UPF3B: variants seen among roughly 807,000 people sequenced by gnomAD.
UPF3B encodes the protein regulator of nonsense transcripts 3B.
A neutral mutation model predicts 40.3 loss-of-function variants in UPF3B; 7 were observed. The ratio of observed to expected loss-of-function variants is 0.17; its 90% CI spans 0.10 to 0.33. UPF3B has a LOEUF of 0.33. Among genes scored for constraint, UPF3B ranks in the 10% least tolerant of loss-of-function variants. The probability of loss-of-function intolerance (pLI) is 1.00; values close to 1 mark genes in which losing one functional copy is unlikely to be tolerated. For missense variants in UPF3B, 229 were observed against 358.9 expected, an observed-to-expected ratio of 0.64 and a Z score of 2.93; for synonymous variants, 117 against 117.3, an observed-to-expected ratio of 1.00 and a Z score of 0.01.
intron 3 of UPF3B, among the ~76,000 whole-genome samples, chrX:119,826,167 A>G (rs1335206964): frequency 1.8e-5 from 2 of 109,265 alleles, no homozygotes; most frequent in African/African-American, 6.7e-5. Context: ...TCTCAAAAAA[A>G]GAAAAGGACC....
Position 119,837,391 on chromosome X carries a change from G to A in UPF3B, c.1302+366C>T, listed in dbSNP as rs892874049. Among the ~76,000 whole-genome samples, 3 of 108,676 alleles carry A rather than the reference G, an allele frequency of 2.8e-5. No individual in the cohort carries two copies. The Admixed American group carries it at 2.9e-4, about 11-fold the overall frequency. 94.4% of individuals were successfully genotyped at this position (108,676 alleles called of 115,157 possible). A position where few individuals can be genotyped will look rare whatever the true frequency, so the allele number is the denominator to read the frequency against. ...AGCACTTTGGGAGGCTGAGGCAGGT[G>A]GATCACGAGGTCAGGAGATCAAGAC... On this transcript the variant is annotated intron_variant, in intron 10 of 10. Coordinates refer to ENST00000276201, the MANE Select transcript of UPF3B (RefSeq NM_080632.3).
intron 3 of UPF3B, among the ~76,000 whole-genome samples, chrX:119,847,552 G>A (rs887651403): frequency 7.2e-5 from 8 of 110,699 alleles, no homozygotes; most frequent in Admixed American, 3.9e-4. Flanking sequence ...CATCACTTGA[G>A]GTCAGGAGTT....
At chrX:119,839,116 T>C (rs2056134144) in intron 8 of UPF3B, among the ~76,000 whole-genome samples, 1 of 111,761 alleles carries the variant, frequency 8.9e-6, no homozygotes, top group African/African-American at 3.3e-5. Flanking sequence ...AGTGAACCAA[T>C]GCATACTTCA....
At chrX:119,806,419 C>T (rs1241304497) in intron 6 of UPF3B, among the ~76,000 whole-genome samples, 2 of 101,990 alleles carry the variant, frequency 2.0e-5, no homozygotes, top group Non-Finnish European at 4.0e-5. Context: ...ACCAGCATGG[C>T]ACATGTATAC....
At chrX:119,808,042 G>A (rs958471781) in intron 5 of UPF3B, among the ~76,000 whole-genome samples, 14 of 111,801 alleles carry the variant, frequency 1.3e-4, no homozygotes, top group Non-Finnish European at 2.6e-4. Flanking sequence ...TGATCCTCCC[G>A]CCTTGGCCTC....
chrX:119,842,529 G>A (rs771294315), intron 5 of UPF3B, among the ~76,000 whole-genome samples: 1 of 108,342 alleles, frequency 9.2e-6, no homozygotes, highest in Non-Finnish European at 1.9e-5. Context: ...GCAGTGAGCC[G>A]AGATTGCGAC....
intron 6 of UPF3B, 84 bp downstream of exon 6, chrX:119,841,651 G>C: frequency 1.0e-6 from 1 of 954,746 alleles, no homozygotes; most frequent in Non-Finnish European, 1.5e-6. Flanking sequence ...TTCTCCTCTA[G>C]AAACCCAATG....
chrX:119,830,510 G>A (rs192261091), downstream of UPF3B, among the ~76,000 whole-genome samples: 6 of 111,187 alleles, frequency 5.4e-5, no homozygotes, highest in East Asian at 1.4e-3. Context: ...AGCGATGTCA[G>A]ATGCTATGCT....
intron 3 of UPF3B, among the ~76,000 whole-genome samples, chrX:119,828,033 CT>C (rs373746448): frequency 0.042 from 4,262 of 101,719 alleles, 237 homozygotes; most frequent in African/African-American, 0.14. Context: ...CGTGCCCGAC[CT>C]TTTTTTTTTT....
intron 6 of UPF3B, among the ~76,000 whole-genome samples, chrX:119,806,381 C>T (rs767750986): frequency 7.6e-4 from 70 of 92,636 alleles, no homozygotes; most frequent in African/African-American, 2.6e-3. Flanking sequence ...ATACCTAATG[C>T]TAGATGACGA....
At chrX:119,833,979 C>G, downstream of UPF3B, 6 of 742,803 alleles carry the variant, frequency 8.1e-6, no homozygotes, top group Non-Finnish European at 9.5e-6. Flanking sequence ...TTTAATTTCT[C>G]AAAACTCATA....
At chrX:119,807,271 C>T (rs2055800586) in intron 6 of UPF3B, among the ~76,000 whole-genome samples, 1 of 111,588 alleles carries the variant, frequency 9.0e-6, no homozygotes, top group African/African-American at 3.3e-5. Flanking sequence ...AACCTCTGAT[C>T]AGATTCCTGC....
At chrX:119,815,417 G>T in intron 4 of UPF3B, 12 of 252,480 alleles carry the variant, frequency 4.8e-5, no homozygotes, top group Non-Finnish European at 6.6e-5. Context: ...AGTCATTTAA[G>T]ACCAAAAATG....
chrX:119,831,226 G>A (rs1353464855), downstream of UPF3B, among the ~76,000 whole-genome samples: 1 of 111,645 alleles, frequency 9.0e-6, no homozygotes, highest in African/African-American at 3.3e-5. Flanking sequence ...TTGCCCTGAA[G>A]GCACTTTTGG....
rs185649968 is a variant in UPF3B at position 119,847,093 on chromosome X, A to G, written c.371-1797T>C. Among the ~76,000 whole-genome samples the G allele has an allele frequency of 3.6e-5, 4 of 112,669 alleles. No homozygotes were observed. In the Admixed American group the frequency reaches 3.8e-4, roughly 11 times the overall value. On this transcript the variant is annotated intron_variant, in intron 3 of 10. Transcript: ENST00000276201. ...CACAATGAGGTATCATCTCACGCCT[A>G]TTAGGAGGACTACTATCAAAAAGCA...
chrX:119,833,008 T>G (rs2056052299), downstream of UPF3B, among the ~76,000 whole-genome samples: 1 of 111,478 alleles, frequency 9.0e-6, no homozygotes, highest in Admixed American at 9.6e-5. Context: ...CCTTTTTCAC[T>G]TCCCTGGAAC....
chrX:119,823,124 T>C, intron 3 of UPF3B: 1 of 450,723 alleles, frequency 2.2e-6, no homozygotes, highest in Non-Finnish European at 2.8e-6. Context: ...ACCTTATATA[T>C]TAATATATAC....
intron 3 of UPF3B, among the ~76,000 whole-genome samples, chrX:119,849,348 T>C (rs949807498): frequency 6.4e-5 from 7 of 109,548 alleles, no homozygotes; most frequent in African/African-American, 2.3e-4. Context: ...AAAAATTAGC[T>C]GGGCGTGGCG....
chrX:119,824,241 T>C (rs1470332066), intron 3 of UPF3B, among the ~76,000 whole-genome samples: 1 of 96,321 alleles, frequency 1.0e-5, no homozygotes, highest in Non-Finnish European at 2.1e-5. Context: ...CCTTCTGACA[T>C]TGTGCATCAT....
Sources: gnomAD v4.1 joint callset for allele counts (sites outside exome capture counted in the v4.1 genomes callset) on GRCh38, gnomAD v4.1.1 for gene constraint, MANE v1.5 for transcripts, NCBI Gene and HGNC (gene_info 2026-07-23, HGNC 2026-07-21) for gene names.